The following ARHGEF10L variants were observed in gnomAD, a reference collection of about 807,000 sequenced individuals.
ARHGEF10L encodes the protein Rho guanine nucleotide exchange factor 10 like.
ARHGEF10L carries 69 observed loss-of-function variants against 141.2 expected under a neutral mutation model. That is an observed-to-expected ratio of 0.49 (90% CI 0.40 to 0.60). ARHGEF10L has a LOEUF of 0.60. Ranked by LOEUF, ARHGEF10L falls within the 20% of genes least tolerant of loss-of-function variation. ARHGEF10L has a pLI of 0.00. For synonymous variants in ARHGEF10L, 711 were observed against 718.5 expected (o/e 0.99, Z 0.17); for missense variants, 1,482 against 1,734.3 (o/e 0.85, Z 2.58).
At chr1:17,669,337 G>A (rs7531258) in intron 26 of ARHGEF10L, among the ~76,000 whole-genome samples, 12,549 of 152,210 alleles carry the variant, frequency 0.082, 1,405 homozygotes, top group African/African-American at 0.25. Context: ...TCCCACCCTC[G>A]GGAAGTAAAC....
chr1:17,540,883 G>A (rs1311793000), intron 1 of ARHGEF10L, among the ~76,000 whole-genome samples: 1 of 152,206 alleles, frequency 6.6e-6, no homozygotes, highest in East Asian at 1.9e-4. Flanking sequence ...AGAGAGGGCA[G>A]GTTGTGCGGG....
intron 1 of ARHGEF10L, among the ~76,000 whole-genome samples, chr1:17,572,893 C>G (rs938915340): frequency 6.6e-6 from 1 of 152,108 alleles, no homozygotes; most frequent in Non-Finnish European, 1.5e-5. Context: ...AGCTTGGCCC[C>G]CTGGAGGCTT....
chr1:17,667,524 A>G (rs573537519), intron 26 of ARHGEF10L, among the ~76,000 whole-genome samples: 5 of 152,364 alleles, frequency 3.3e-5, no homozygotes, highest in African/African-American at 9.6e-5. Context: ...CCTGTTGGTC[A>G]GAGGACATTC....
chr1:17,528,912 T>G, the ARHGEF10L span, among the ~76,000 whole-genome samples: 1 of 152,182 alleles, frequency 6.6e-6, no homozygotes, highest in Non-Finnish European at 1.5e-5. Context: ...GGCTCAGGTC[T>G]TGTCGTGTAG....
chr1:17,544,751 T>C (rs551030891), intron 1 of ARHGEF10L, among the ~76,000 whole-genome samples: 2 of 152,272 alleles, frequency 1.3e-5, no homozygotes, highest in South Asian at 4.1e-4. Context: ...CATACTGCTA[T>C]GAAGAAATAC....
intron 26 of ARHGEF10L, among the ~76,000 whole-genome samples, chr1:17,683,905 G>A (rs754864525): frequency 1.3e-5 from 2 of 152,202 alleles, no homozygotes; most frequent in African/African-American, 2.4e-5. Context: ...GTTTCAGTGC[G>A]CTTGGCTTTT....
chr1:17,532,892 C>G, the ARHGEF10L span, among the ~76,000 whole-genome samples: 1 of 152,178 alleles, frequency 6.6e-6, no homozygotes, highest in Admixed American at 6.5e-5. Flanking sequence ...ACTGCACCCA[C>G]CACCCCCTCT....
rs942537218 is a variant in ARHGEF10L, at chr1:17,644,808, G to A, written c.2273-3746G>A. ...GCGACAGTCAGACCATGAGCAGCGA[G>A]GACAGTGACCACCATGGCTGCTATT... On this transcript the variant is annotated intron_variant, in intron 21 of 28. Transcript: ENST00000361221. The surrounding 1 kb of genome is among the most constrained non-coding windows in gnomAD (Gnocchi z 4.5). Among the ~76,000 whole-genome samples the A allele has an allele frequency of 6.6e-6, 1 of 152,186 alleles. No individual in the cohort carries two copies.
Position 17,621,826 on chromosome 1 carries a change from G to A in ARHGEF10L, c.943-38G>A, listed in dbSNP as rs2060123727. The A allele has an allele frequency of 4.2e-6, 6 of 1,416,022 alleles. No homozygotes were observed. In the East Asian group the frequency reaches 1.4e-4, roughly 33 times the overall value. 87.7% of individuals were successfully genotyped at this position (1,416,022 alleles called of 1,614,324 possible). ...CTGTCACTTGGGCCCTGTGCAGCAG[G>A]TGTCATGTGCGCTGACCGTGCTTTT... is the stretch of plus-strand genomic sequence containing the variant. On this transcript the variant is annotated intron_variant, in intron 10 of 28. Transcript: ENST00000361221. The surrounding 1 kb of genome is among the most constrained non-coding windows in gnomAD (Gnocchi z 4.1).
intron 28 of ARHGEF10L, 92 bp downstream of exon 28, chr1:17,695,372 T>C (rs2279816): frequency 0.82 from 1,221,385 of 1,483,832 alleles, 503,987 homozygotes; most frequent in East Asian, 0.91. Context: ...ATGCCCTCAT[T>C]GGTATAGGGA....
intron 26 of ARHGEF10L, among the ~76,000 whole-genome samples, chr1:17,672,383 A>G (rs2063379901): frequency 6.6e-6 from 1 of 152,044 alleles, no homozygotes; most frequent in Non-Finnish European, 1.5e-5. Context: ...CAAAAGAGAA[A>G]TTCAGGCGCA....
chr1:17,684,564 G>A (rs1269017424), intron 26 of ARHGEF10L, among the ~76,000 whole-genome samples: 5 of 152,110 alleles, frequency 3.3e-5, no homozygotes. Flanking sequence ...TACCTCTGGA[G>A]CCCTTAGCCT....
Position 17,558,488 on chromosome 1 carries a change from G to A in ARHGEF10L, c.-44+18538G>A. Among the ~76,000 whole-genome samples the A allele has an allele frequency of 6.6e-6, 1 of 152,252 alleles. No homozygotes were observed. Among genetic ancestry groups the A allele is most frequent in the East Asian group, 1.9e-4 (1 of 5,196 alleles). ...TGCCCAGAGGGACAAGTGGCCAGCT[G>A]TCTGTCCCAGTGGTCATCATGGGAG... On this transcript the variant is annotated intron_variant, in intron 1 of 28. Transcript: ENST00000361221. The surrounding 1 kb of genome is among the most constrained non-coding windows in gnomAD (Gnocchi z 4.2).
At chr1:17,545,860 A>T (rs4920615) in intron 1 of ARHGEF10L, among the ~76,000 whole-genome samples, 78,158 of 151,978 alleles carry the variant, frequency 0.51, 20,408 homozygotes, top group East Asian at 0.79. Flanking sequence ...GGAACAATTC[A>T]TGCCTCTGAA....
In ARHGEF10L at chr1:17,609,364, G is replaced by A. The variant is rs150568099; in HGVS notation, c.609+1387G>A. Among the ~76,000 whole-genome samples the A allele has an allele frequency of 2.0e-4, 31 of 152,310 alleles. No individual in the cohort carries two copies. In the East Asian group the frequency reaches 5.8e-3, roughly 29 times the overall value. On this transcript the variant is annotated intron_variant, in intron 7 of 28. Transcript: ENST00000361221. ...TGTTTCCAGGGATGGGCCTCCAGGG[G>A]TGGGCTGTGGAAAACAGCCTTAATG...
At chr1:17,583,165 ACTGCCCTCCAGC>A (rs2078726100) in intron 2 of ARHGEF10L, among the ~76,000 whole-genome samples, 1 of 145,826 alleles carries the variant, frequency 6.9e-6, no homozygotes, top group African/African-American at 2.6e-5. Context: ...TGATCGCACC[ACTGCCCTCCAGC>A]CTGGGTGACA....
Position 17,694,857 on chromosome 1 carries a change from T to C in ARHGEF10L, c.3185-301T>C. 4 of 562,278 alleles carry C rather than the reference T, an allele frequency of 7.1e-6. 2 individuals are homozygous for C. The Middle Eastern group carries it at 1.1e-3, about 155-fold the overall frequency. 34.8% of individuals were successfully genotyped at this position (562,278 alleles called of 1,614,324 possible). On this transcript the variant is annotated intron_variant, in intron 27 of 28. Coordinates refer to ENST00000361221, the MANE Select transcript of ARHGEF10L (RefSeq NM_018125.4). ...GCCGGATGACCTGGCCGCCGTGTAT[T>C]GAGAGCGCACACAGACCAGGCGCTG...
chr1:17,590,758 G>GCTTCCCAGTGA (rs1301055719), intron 4 of ARHGEF10L, among the ~76,000 whole-genome samples: 2 of 152,146 alleles, frequency 1.3e-5, no homozygotes, highest in African/African-American at 4.8e-5. Flanking sequence ...AAGTCAAGGT[G>GCTTCCCAGTGA]GGTGGACCAC....
At chr1:17,664,373 G>A (rs1328514960) in intron 25 of ARHGEF10L, 74 bp from the exon 26 acceptor site, 69 of 1,516,006 alleles carry the variant, frequency 4.6e-5, no homozygotes, top group Non-Finnish European at 5.9e-5. Context: ...TGAGCCCCCT[G>A]CTGCTGGCCT....
Sources: allele counts gnomAD v4.1 joint callset (sites outside exome capture counted in the v4.1 genomes callset), GRCh38; gene constraint gnomAD v4.1.1; non-coding constraint Gnocchi (gnomAD v3.1); transcripts MANE v1.5; gene names NCBI Gene and HGNC (gene_info 2026-07-23, HGNC 2026-07-21).